CELF2: variants seen among roughly 807,000 people sequenced by gnomAD.
CELF2 encodes the protein CUGBP Elav-like family member 2, also known as CUG triplet repeat RNA-binding protein 2.
CELF2 carries 8 observed loss-of-function variants against 62.6 expected under a neutral mutation model. That is an observed-to-expected ratio of 0.13 (90% CI 0.07 to 0.23). The LOEUF (loss-of-function observed/expected upper bound fraction) is 0.23, where lower values mean the gene tolerates loss of function less well. Among genes scored for constraint, CELF2 ranks in the 10% least tolerant of loss-of-function variants. CELF2 has a pLI of 1.00. For synonymous variants in CELF2, 258 were observed against 250.0 expected (o/e 1.03, Z -0.30); for missense variants, 333 against 671.0 (o/e 0.50, Z 5.56).
chr10:10,498,362 T>C, the CELF2 span, among the ~76,000 whole-genome samples: 1 of 152,116 alleles, frequency 6.6e-6, no homozygotes. Flanking sequence ...AGGAAGGAAG[T>C]AGGTGATCGG....
intron 1 of CELF2, among the ~76,000 whole-genome samples, chr10:11,113,157 AAATATAGAT>A (rs2055655165): frequency 6.6e-6 from 1 of 152,222 alleles, no homozygotes. Context: ...TCTTACTTTA[AAATATAGAT>A]GGCTTTCACT....
chr10:11,000,238 T>A (rs1313291870), intron 2 of CELF2, among the ~76,000 whole-genome samples: 1 of 152,180 alleles, frequency 6.6e-6, no homozygotes, highest in Non-Finnish European at 1.5e-5. Context: ...CCTTTCTTCT[T>A]CTTGTCTTCA....
upstream of CELF2, chr10:11,017,808 GGGGCCGCGCTCT>G (rs894551346): frequency 4.1e-4 from 126 of 306,878 alleles, no homozygotes; most frequent in African/African-American, 2.8e-3. The surrounding 1 kb of genome is among the most constrained non-coding windows in gnomAD (Gnocchi z 5.5). Context: ...AGCCGGGTTC[GGGGCCGCGCTCT>G]GGGCCGGCGG....
At chr10:10,700,314 G>A in the CELF2 span, among the ~76,000 whole-genome samples, 1 of 152,202 alleles carries the variant, frequency 6.6e-6, no homozygotes, top group African/African-American at 2.4e-5. Context: ...CACAGACTCT[G>A]TTGTTCATTC....
chr10:11,066,538 G>A (rs1181190772), intron 1 of CELF2, among the ~76,000 whole-genome samples: 6 of 152,268 alleles, frequency 3.9e-5, no homozygotes, highest in African/African-American at 7.2e-5. Flanking sequence ...AACCACAGTA[G>A]TGAAACACTC....
At chr10:11,015,726 C>G (rs1235718779), upstream of CELF2, among the ~76,000 whole-genome samples, 1 of 152,210 alleles carries the variant, frequency 6.6e-6, no homozygotes, top group Non-Finnish European at 1.5e-5. This position sits in a 1 kb window ranked among gnomAD's most constrained non-coding sequence, Gnocchi z 4.8. Context: ...ACTTCACCCT[C>G]CTCATAGTAT....
At chr10:11,198,059 G>A (rs749361752) in intron 2 of CELF2, among the ~76,000 whole-genome samples, 1 of 152,208 alleles carries the variant, frequency 6.6e-6, no homozygotes, top group Non-Finnish European at 1.5e-5. Flanking sequence ...ATTGGAATCA[G>A]CTGATTTGTG....
chr10:10,900,880 G>A (rs1334498929), intron 1 of CELF2, among the ~76,000 whole-genome samples: 1 of 152,098 alleles, frequency 6.6e-6, no homozygotes, highest in Non-Finnish European at 1.5e-5. Flanking sequence ...TCACAAGTTG[G>A]CAAGGTACAA....
intron 1 of CELF2, among the ~76,000 whole-genome samples, chr10:11,140,703 G>C (rs944019475): frequency 6.6e-6 from 1 of 152,086 alleles, no homozygotes; most frequent in African/African-American, 2.4e-5. Flanking sequence ...TTTTAGGATA[G>C]TGCCAGTCAC....
chr10:10,882,930 T>C (rs1043006887), intron 1 of CELF2, among the ~76,000 whole-genome samples: 1 of 152,186 alleles, frequency 6.6e-6, no homozygotes, highest in East Asian at 1.9e-4. Flanking sequence ...AATAGTAAAG[T>C]TCACTTTCCC....
chr10:11,252,584 G>A (rs1049226134), intron 4 of CELF2, among the ~76,000 whole-genome samples: 3 of 152,196 alleles, frequency 2.0e-5, no homozygotes, highest in Non-Finnish European at 2.9e-5. Context: ...GCCCCGAAAC[G>A]TTAGGTTGCG....
chr10:10,895,565 C>A (rs2062488444), intron 1 of CELF2, among the ~76,000 whole-genome samples: 1 of 151,966 alleles, frequency 6.6e-6, no homozygotes, highest in African/African-American at 2.4e-5. Flanking sequence ...ACAATGTGGC[C>A]AAGGGTGTGG....
chr10:11,163,448 C>T (rs746041363), intron 1 of CELF2, among the ~76,000 whole-genome samples: 7 of 152,202 alleles, frequency 4.6e-5, no homozygotes, highest in Non-Finnish European at 8.8e-5. Context: ...ACTGCCTCCA[C>T]CCCGCTACAG....
chr10:10,860,681 A>G (rs566496377), intron 1 of CELF2, among the ~76,000 whole-genome samples: 15 of 152,368 alleles, frequency 9.8e-5, no homozygotes, highest in Admixed American at 5.9e-4. Context: ...ACTCAGAACC[A>G]GGAGAGGTTC....
intron 1 of CELF2, among the ~76,000 whole-genome samples, chr10:10,806,108 C>T (rs554641960): frequency 2.2e-4 from 33 of 151,926 alleles, no homozygotes; most frequent in African/African-American, 7.5e-4. Context: ...TCCTGGTTTA[C>T]GGTTTGGATT....
At chr10:10,937,235 G>T (rs1010830824) in intron 2 of CELF2, among the ~76,000 whole-genome samples, 2 of 146,570 alleles carry the variant, frequency 1.4e-5, no homozygotes, top group South Asian at 4.4e-4. Context: ...AGGTTCAAGC[G>T]ATTCTTCTGC....
chr10:11,266,800 TTTCA>T (rs796994180), intron 6 of CELF2, 123 bp downstream of exon 6: 5 of 664,804 alleles, frequency 7.5e-6, no homozygotes, highest in African/African-American at 7.4e-5. Flanking sequence ...CCATCTCAGT[TTTCA>T]TTCATTCATT....
chr10:11,043,076 A>G (rs917206398), intron 1 of CELF2, among the ~76,000 whole-genome samples: 8 of 152,232 alleles, frequency 5.3e-5, no homozygotes, highest in Admixed American at 3.3e-4. Context: ...TTTTGAGGAA[A>G]TGTCAACCTG....
the CELF2 span, among the ~76,000 whole-genome samples, chr10:10,631,210 C>A: frequency 6.6e-6 from 1 of 152,132 alleles, no homozygotes; most frequent in African/African-American, 2.4e-5. Flanking sequence ...ACAGAGACAC[C>A]TTTCCTCATT....
Sources: gnomAD v4.1 joint callset for allele counts (sites outside exome capture counted in the v4.1 genomes callset) on GRCh38, gnomAD v4.1.1 for gene constraint, Gnocchi (gnomAD v3.1) non-coding constraint, MANE v1.5 for transcripts, NCBI Gene and HGNC (gene_info 2026-07-23, HGNC 2026-07-21) for gene names.